The following CKAP5 variants were observed in gnomAD, a reference collection of about 807,000 sequenced individuals.
The protein encoded by CKAP5 is cytoskeleton-associated protein 5.
CKAP5 carries 27 observed loss-of-function variants against 232.8 expected under a neutral mutation model. The ratio of observed to expected loss-of-function variants is 0.12; its 90% CI spans 0.09 to 0.16. The LOEUF (loss-of-function observed/expected upper bound fraction) is 0.16, where lower values mean the gene tolerates loss of function less well. Among genes scored for constraint, CKAP5 ranks in the 10% least tolerant of loss-of-function variants. The pLI is 1.00. For synonymous variants in CKAP5, 785 were observed against 841.1 expected, an observed-to-expected ratio of 0.93 and a Z score of 1.16; for missense variants, 1,838 against 2,424.7, an observed-to-expected ratio of 0.76 and a Z score of 5.08.
chr11:46,772,604 G>A (rs900603098), intron 24 of CKAP5, among the ~76,000 whole-genome samples: 1 of 152,006 alleles, frequency 6.6e-6, no homozygotes, highest in African/African-American at 2.4e-5. Flanking sequence ...ATTAGTGTGG[G>A]TCTATTTCTG....
Position 46,801,311 on chromosome 11 carries a change from A to T in CKAP5, c.979-7T>A, listed in dbSNP as rs1470933602. 4 of 1,604,364 alleles carry T rather than the reference A, an allele frequency of 2.5e-6. No individual in the cohort carries two copies. Among genetic ancestry groups the T allele is most frequent in the Non-Finnish European group, 8.5e-7 (1 of 1,171,482 alleles). The stretch of plus-strand genomic sequence containing the variant: ...TGGTGTCCTTTCCAACAACCTACAA[A>T]GGGGGGTAAAAAGGAAAACAAAATA... On this transcript the variant is annotated splice_region_variant and splice_polypyrimidine_tract_variant and intron_variant, in intron 8 of 43. Coordinates refer to ENST00000529230, the MANE Select transcript of CKAP5 (RefSeq NM_001008938.4).
In CKAP5 at chr11:46,750,293, A is replaced by G. The variant is rs1311280657; in HGVS notation, c.5685T>C (p.Gly1895=). 1 of 1,613,922 alleles carries G rather than the reference A, an allele frequency of 6.2e-7. No homozygotes were observed. The highest frequency in any genetic ancestry group is 8.5e-7 in the Non-Finnish European group (1 of 1,179,986). ...CCATACCTGTTGAAGTGGAAATACG[A>G]CCTTTGCCCTCCCTCTCCATCTCAA... The part of the protein sequence containing the change: ...RVIEMEREGK[G]RISTSTGISP... Residue 1895 remains glycine, a synonymous_variant, in exon 42 of 44, where the codon GGT becomes GGC. Transcript: ENST00000529230.
chr11:46,803,947 G>A (rs1939094810), intron 8 of CKAP5, among the ~76,000 whole-genome samples: 1 of 152,138 alleles, frequency 6.6e-6, no homozygotes, highest in Admixed American at 6.5e-5. Context: ...TCTAGGAATG[G>A]ACATCAAAAA....
chr11:46,824,999 T>C (rs1197366917), intron 1 of CKAP5, among the ~76,000 whole-genome samples: 1 of 152,174 alleles, frequency 6.6e-6, no homozygotes, highest in African/African-American at 2.4e-5. Flanking sequence ...GACAAGTAGG[T>C]CAGCTAAAGT....
At chr11:46,765,513 C>CT (rs1381044012) in intron 27 of CKAP5, among the ~76,000 whole-genome samples, 2 of 151,436 alleles carry the variant, frequency 1.3e-5, no homozygotes, top group Non-Finnish European at 2.9e-5. Context: ...ACTGCTATTA[C>CT]TGATCATTAG....
At chr11:46,773,662 C>A (rs1029335401) in intron 24 of CKAP5, among the ~76,000 whole-genome samples, 8 of 152,004 alleles carry the variant, frequency 5.3e-5, no homozygotes, top group African/African-American at 1.9e-4. Context: ...CCTGCCTCAG[C>A]CTCCCGAGTA....
chr11:46,822,637 G>C (rs1267547539), intron 1 of CKAP5, among the ~76,000 whole-genome samples: 2 of 149,714 alleles, frequency 1.3e-5, no homozygotes, highest in Admixed American at 1.3e-4. Context: ...TGCAGTCCCA[G>C]CCACTCTAGA....
chr11:46,817,284 A>C (rs943880955), intron 3 of CKAP5, among the ~76,000 whole-genome samples: 3 of 152,080 alleles, frequency 2.0e-5, no homozygotes, highest in African/African-American at 7.2e-5. Context: ...CTGGGCAAAA[A>C]AATTTTTTAA....
chr11:46,810,674 A>G (rs1360101037), intron 5 of CKAP5, among the ~76,000 whole-genome samples: 2 of 152,178 alleles, frequency 1.3e-5, no homozygotes, highest in Non-Finnish European at 2.9e-5. Flanking sequence ...TGAATTTACT[A>G]TAAGGAAGAC....
Position 46,762,644 on chromosome 11 carries a change from T to C in CKAP5, c.4010A>G (p.Asn1337Ser). 6.2e-7 allele frequency: 1 copy of C among 1,613,936 alleles called. No homozygotes were observed. Among genetic ancestry groups the C allele is most frequent in the Non-Finnish European group, 8.5e-7 (1 of 1,179,892 alleles). The change falls in exon 31 of 44, where the codon AAC (asparagine) becomes AGC (serine). Residue 1337 changes from asparagine (N) to serine (S), a missense_variant. Coordinates refer to ENST00000529230, the MANE Select transcript of CKAP5 (RefSeq NM_001008938.4). ...TGCTTCACCTGCTCTCTGCTTAGAG[T>C]TTTTGGATTTGGTTCCTTCCATGAT... ...PFIMEGTKSK[N>S]SKQRAECLEE...
intron 17 of CKAP5, among the ~76,000 whole-genome samples, chr11:46,783,744 T>G (rs1448152391): frequency 6.6e-6 from 1 of 151,988 alleles, no homozygotes; most frequent in African/African-American, 2.4e-5. Context: ...CTCACTCTGT[T>G]GCCCAGGCTG....
chr11:46,761,248 CA>C (rs59147777), intron 32 of CKAP5, among the ~76,000 whole-genome samples: 138 of 85,316 alleles, frequency 1.6e-3, no homozygotes, highest in East Asian at 2.9e-3. Flanking sequence ...GACCCTGTCT[CA>C]AAAAAAAAAA....
intron 12 of CKAP5, among the ~76,000 whole-genome samples, chr11:46,795,981 T>C (rs1375907448): frequency 6.6e-6 from 1 of 152,050 alleles, no homozygotes; most frequent in Non-Finnish European, 1.5e-5. Context: ...CTGGCCAACA[T>C]GGTGAAACCC....
At chr11:46,747,298 G>C (rs2065029373) in intron 42 of CKAP5, among the ~76,000 whole-genome samples, 1 of 152,122 alleles carries the variant, frequency 6.6e-6, no homozygotes, top group Admixed American at 6.5e-5. Flanking sequence ...GGGATAGGTT[G>C]CAAGTTTTAA....
intron 17 of CKAP5, among the ~76,000 whole-genome samples, chr11:46,783,597 GTT>G (rs66522172): frequency 2.3e-3 from 325 of 141,588 alleles, no homozygotes; most frequent in Middle Eastern, 7.1e-3. Flanking sequence ...GCATTATAAT[GTT>G]TTTTTTTTTT....
chr11:46,760,281 G>C (rs1313880120), intron 33 of CKAP5: 1 of 422,470 alleles, frequency 2.4e-6, no homozygotes, highest in East Asian at 6.0e-5. Flanking sequence ...CCTCCAGAGG[G>C]GATGAATCCA....
intron 1 of CKAP5, among the ~76,000 whole-genome samples, chr11:46,825,473 T>C (rs559136322): frequency 6.6e-6 from 1 of 152,288 alleles, no homozygotes; most frequent in South Asian, 2.1e-4. Flanking sequence ...ATAAGAGTAA[T>C]TACAGAGCTA....
intron 8 of CKAP5, among the ~76,000 whole-genome samples, chr11:46,803,470 G>A (rs1230636587): frequency 6.6e-6 from 1 of 151,896 alleles, no homozygotes; most frequent in East Asian, 2.0e-4. Flanking sequence ...GTTTCTTCAT[G>A]TTGCCCAGTC....
intron 24 of CKAP5, among the ~76,000 whole-genome samples, chr11:46,775,018 G>A (rs921268749): frequency 2.4e-4 from 37 of 152,010 alleles, no homozygotes; most frequent in African/African-American, 6.3e-4. Context: ...GCTTCTGCAC[G>A]GCAAAAGAAA....
Sources: allele counts gnomAD v4.1 joint callset (sites outside exome capture counted in the v4.1 genomes callset), GRCh38; gene constraint gnomAD v4.1.1; transcripts MANE v1.5; gene names NCBI Gene and HGNC (gene_info 2026-07-23, HGNC 2026-07-21).